The following PARD3B variants were observed in gnomAD, a reference collection of about 807,000 sequenced individuals.
The protein encoded by PARD3B is partitioning defective 3 homolog B.
In PARD3B, 103 loss-of-function variants were observed where a neutral mutation model predicts 130.2. That is an observed-to-expected ratio of 0.79 (90% CI 0.67 to 0.93). The LOEUF (loss-of-function observed/expected upper bound fraction) is 0.93. PARD3B is among the 40% of genes least tolerant of loss of function. PARD3B has a pLI of 0.00. For missense variants in PARD3B, 1,609 were observed against 1,499.2 expected (o/e 1.07, Z -1.21); for synonymous variants, 583 against 553.2 (o/e 1.05, Z -0.76).
At chr2:204,755,032 T>G (rs1397165177) in intron 2 of PARD3B, among the ~76,000 whole-genome samples, 1 of 152,124 alleles carries the variant, frequency 6.6e-6, no homozygotes, top group Non-Finnish European at 1.5e-5. Flanking sequence ...TTAATTTCAG[T>G]TATTAGTGTT....
At chr2:204,957,347 A>T (rs1690344380) in intron 2 of PARD3B, among the ~76,000 whole-genome samples, 1 of 152,190 alleles carries the variant, frequency 6.6e-6, no homozygotes, top group Non-Finnish European at 1.5e-5. Flanking sequence ...ATGCATCTTT[A>T]AAAAGTGATA....
chr2:204,644,085 C>T (rs2035187944), intron 1 of PARD3B, among the ~76,000 whole-genome samples: 1 of 152,126 alleles, frequency 6.6e-6, no homozygotes, highest in Non-Finnish European at 1.5e-5. Flanking sequence ...TTCCTTTCTC[C>T]ACTCCATTGG....
chr2:204,609,832 G>C (rs776743094), intron 1 of PARD3B, among the ~76,000 whole-genome samples: 1 of 152,050 alleles, frequency 6.6e-6, no homozygotes, highest in East Asian at 1.9e-4. Context: ...CTTTAAATAA[G>C]AGATTAAATG....
chr2:205,003,820 GT>G (rs1021769691), intron 3 of PARD3B, among the ~76,000 whole-genome samples: 4 of 152,144 alleles, frequency 2.6e-5, no homozygotes, highest in Non-Finnish European at 5.9e-5. Context: ...ATGGCAAACT[GT>G]TTTTTAATAA....
At chr2:204,733,895 A>AT (rs1180769439) in intron 2 of PARD3B, among the ~76,000 whole-genome samples, 1 of 152,146 alleles carries the variant, frequency 6.6e-6, no homozygotes, top group East Asian at 1.9e-4. Context: ...GAGAAAAAGA[A>AT]TTGGAGAATT....
chr2:204,884,007 G>T (rs1481893782), intron 2 of PARD3B, among the ~76,000 whole-genome samples: 1 of 152,100 alleles, frequency 6.6e-6, no homozygotes, highest in African/African-American at 2.4e-5. Flanking sequence ...AAAGTGTTGG[G>T]ATTACAGGTG....
At position 204,662,465 on chromosome 2, in the gene PARD3B, C is replaced by T. The variant is rs563904008; in HGVS notation, c.121-23716C>T. On this transcript the variant is annotated intron_variant, in intron 1 of 22. Transcript: ENST00000406610. ...GGAAAACCATCATCTGCCTTTCAGT[C>T]ATTCATTCAAATAAAAAAATGGTGT... Among the ~76,000 whole-genome samples, 84 of 152,278 alleles carry T rather than the reference C, an allele frequency of 5.5e-4. No homozygotes were observed. The South Asian group carries it at 0.017, about 31-fold the overall frequency.
rs1575665560 is a variant in PARD3B at position 205,057,662 on chromosome 2, TATACATATATGTGTATGTGTATACGTAC to T, written c.504+9976_504+10003del. 4.8e-5 allele frequency among the ~76,000 whole-genome samples: 7 copies of T among 147,278 alleles called. No individual in the cohort carries two copies. In the East Asian group the frequency reaches 6.0e-4, roughly 13 times the overall value. On this transcript the variant is annotated intron_variant, in intron 4 of 22. Coordinates refer to ENST00000406610, the MANE Select transcript of PARD3B (RefSeq NM_001302769.2). Reference sequence around the variant, plus strand: ...ATATATGTGTATGTGTATACGTACATATACATATATGTGTATGTGTATACGTACATATACATATATGTGTATGTGTATA... The same window carrying T: ...ATATATGTGTATGTGTATACGTACATATATACATATATGTGTATGTGTATA...
chr2:204,918,639 A>G (rs1233527819), intron 2 of PARD3B, among the ~76,000 whole-genome samples: 1 of 95,866 alleles, frequency 1.0e-5, no homozygotes, highest in African/African-American at 3.0e-5. Flanking sequence ...CAAAAAAAAA[A>G]AAAAAAAAGA....
At chr2:205,170,596 G>A (rs1333304246) in intron 11 of PARD3B, among the ~76,000 whole-genome samples, 1 of 152,122 alleles carries the variant, frequency 6.6e-6, no homozygotes, top group African/African-American at 2.4e-5. Flanking sequence ...CTTCACCAGG[G>A]CATTGGCTCT....
chr2:205,395,956 C>T (rs1418820596), intron 18 of PARD3B, among the ~76,000 whole-genome samples: 2 of 152,162 alleles, frequency 1.3e-5, no homozygotes, highest in Admixed American at 6.6e-5. Context: ...TAGATTAAAC[C>T]ACAAGCTTCT....
At chr2:205,169,034 A>G (rs1236140909) in intron 11 of PARD3B, among the ~76,000 whole-genome samples, 1 of 152,160 alleles carries the variant, frequency 6.6e-6, no homozygotes, top group Non-Finnish European at 1.5e-5. Flanking sequence ...CCCATTATTC[A>G]TCTGTAAACG....
rs761186648 is a variant in PARD3B, at chr2:204,821,714, T to TA, written c.222+135441dup. Among the ~76,000 whole-genome samples, 44 of 150,224 alleles carry TA rather than the reference T, an allele frequency of 2.9e-4. 1 individual carries two copies. The highest frequency in any genetic ancestry group is 8.5e-4 in the South Asian group (4 of 4,730). On this transcript the variant is annotated intron_variant, in intron 2 of 22. Coordinates refer to ENST00000406610, the MANE Select transcript of PARD3B (RefSeq NM_001302769.2). Reference sequence around the variant, plus strand: ...ATAATAATAATAAAATAAAAAAAATTAAAAAAAAATAAAAAAAATAGAAAT... The same window carrying TA: ...ATAATAATAATAAAATAAAAAAAATTAAAAAAAAAATAAAAAAAATAGAAAT...
rs538325780 is a variant in PARD3B, at chr2:204,697,078, ATAT to A, written c.222+10797_222+10799del. Reference sequence around the variant, plus strand: ...AATAGCCTAACAATCTTAAATATGCATATACTTGTGTAAAAGTTGAAGAATCTC... The same window carrying A: ...AATAGCCTAACAATCTTAAATATGCAACTTGTGTAAAAGTTGAAGAATCTC... On this transcript the variant is annotated intron_variant, in intron 2 of 22. Coordinates refer to ENST00000406610, the MANE Select transcript of PARD3B (RefSeq NM_001302769.2). 4.6e-5 allele frequency among the ~76,000 whole-genome samples: 7 copies of A among 152,252 alleles called. No homozygotes were observed. In the East Asian group the frequency reaches 1.4e-3, roughly 29 times the overall value.
At chr2:205,529,106 T>A (rs2051467883) in intron 21 of PARD3B, among the ~76,000 whole-genome samples, 1 of 152,192 alleles carries the variant, frequency 6.6e-6, no homozygotes, top group Non-Finnish European at 1.5e-5. Context: ...AGAAAGTGTT[T>A]CCATAGTAAC....
At chr2:204,659,065 T>G (rs537535168) in intron 1 of PARD3B, among the ~76,000 whole-genome samples, 1 of 152,278 alleles carries the variant, frequency 6.6e-6, no homozygotes, top group South Asian at 2.1e-4. Flanking sequence ...CTAGCTATAG[T>G]AGCAGTCTAG....
Position 204,664,795 on chromosome 2 carries a change from C to G in PARD3B, c.121-21386C>G, listed in dbSNP as rs1038542470. Among the ~76,000 whole-genome samples the G allele has an allele frequency of 1.3e-5, 2 of 152,134 alleles. No homozygotes were observed. The highest frequency in any genetic ancestry group is 2.4e-5 in the African/African-American group (1 of 41,432). ...ATAGTCAGAATTTTTCTTCTGAGCT[C>G]ATTAGTGAATGCATACAGGATGAGG... On this transcript the variant is annotated intron_variant, in intron 1 of 22. Transcript: ENST00000406610. The surrounding 1 kb of genome is among the most constrained non-coding windows in gnomAD (Gnocchi z 5.2).
chr2:205,413,743 A>G (rs1380791404), intron 19 of PARD3B, among the ~76,000 whole-genome samples: 2 of 152,138 alleles, frequency 1.3e-5, no homozygotes, highest in Admixed American at 6.6e-5. Context: ...AGATCCTGAG[A>G]GACACAGCCT....
chr2:205,216,067 A>C (rs2037892030), intron 15 of PARD3B, among the ~76,000 whole-genome samples: 1 of 152,168 alleles, frequency 6.6e-6, no homozygotes, highest in Non-Finnish European at 1.5e-5. Context: ...AGTCAACTGC[A>C]GACTGCATAT....
Sources: allele counts gnomAD v4.1 joint callset (sites outside exome capture counted in the v4.1 genomes callset), GRCh38; gene constraint gnomAD v4.1.1; non-coding constraint Gnocchi (gnomAD v3.1); transcripts MANE v1.5; gene names NCBI Gene and HGNC (gene_info 2026-07-23, HGNC 2026-07-21).